DOCK4: variants seen among roughly 807,000 people sequenced by gnomAD.
The protein encoded by DOCK4 is dedicator of cytokinesis protein 4.
In DOCK4, 97 loss-of-function variants were observed where a neutral mutation model predicts 268.1. The observed-to-expected ratio is 0.36, with a 90% CI of 0.31 to 0.43. DOCK4 has a LOEUF of 0.43. Among genes scored for constraint, DOCK4 ranks in the 20% least tolerant of loss-of-function variants. The probability of loss-of-function intolerance (pLI) is 1.00; values close to 1 mark genes in which losing one functional copy is unlikely to be tolerated. For missense variants in DOCK4, 2,145 were observed against 2,455.7 expected (o/e 0.87, Z 2.67); for synonymous variants, 954 against 887.2 (o/e 1.08, Z -1.34).
chr7:111,847,249 G>A (rs1804180773), intron 23 of DOCK4, 123 bp from the exon 24 acceptor site: 5 of 1,199,028 alleles, frequency 4.2e-6, no homozygotes, highest in Middle Eastern at 2.0e-4. Context: ...AGTTACAAAG[G>A]TATTAGTTCT....
At chr7:112,008,654 A>G (rs1801046516) in intron 1 of DOCK4, among the ~76,000 whole-genome samples, 1 of 152,236 alleles carries the variant, frequency 6.6e-6, no homozygotes, top group South Asian at 2.1e-4. Context: ...AAGAAACTCA[A>G]TCACAACAGT....
At chr7:112,167,039 G>A (rs989383079) in intron 1 of DOCK4, among the ~76,000 whole-genome samples, 7 of 152,086 alleles carry the variant, frequency 4.6e-5, no homozygotes, top group Non-Finnish European at 1.0e-4. Flanking sequence ...TAATTTTCAA[G>A]GTTGCCATCA....
chr7:111,891,774 T>A (rs1056899084), intron 16 of DOCK4, among the ~76,000 whole-genome samples: 1 of 152,232 alleles, frequency 6.6e-6, no homozygotes, highest in East Asian at 1.9e-4. Flanking sequence ...TCTCTGCCAA[T>A]CTGATAGGCA....
intron 7 of DOCK4, among the ~76,000 whole-genome samples, chr7:111,983,060 G>GTTGTGT (rs1471014795): frequency 6.6e-6 from 1 of 151,808 alleles, no homozygotes; most frequent in African/African-American, 2.4e-5. Context: ...ATGTCATGAA[G>GTTGTGT]GCAAGCAGCA....
In DOCK4 at chr7:111,977,291, A is replaced by G. The variant is rs184941209; in HGVS notation, c.550-8T>C. The G allele has an allele frequency of 3.0e-4, 478 of 1,584,040 alleles. No homozygotes were observed. The African/African-American group carries it at 5.7e-3, about 19-fold the overall frequency. ...CCGATGTCGATGTTCCATCTGAATG[A>G]CACCCCCCAACAAAAACATGATCAG... On this transcript the variant is annotated splice_region_variant and splice_polypyrimidine_tract_variant and intron_variant, in intron 7 of 52. Transcript: ENST00000428084.
At chr7:111,821,471 TA>T (rs1801975112) in intron 27 of DOCK4, 1 of 152,222 alleles carries the variant, frequency 6.6e-6, no homozygotes, top group Non-Finnish European at 1.5e-5. Context: ...ATCTTGAGAC[TA>T]TGGAGACAGG....
At chr7:112,142,747 T>G (rs1275520643) in intron 1 of DOCK4, among the ~76,000 whole-genome samples, 1 of 152,112 alleles carries the variant, frequency 6.6e-6, no homozygotes, top group Non-Finnish European at 1.5e-5. Flanking sequence ...CATGTGCAAG[T>G]TTTTACACTG....
At chr7:111,800,552 C>G (rs1210585643) in intron 30 of DOCK4, among the ~76,000 whole-genome samples, 2 of 152,076 alleles carry the variant, frequency 1.3e-5, no homozygotes, top group Non-Finnish European at 2.9e-5. Context: ...TATTGCAATC[C>G]ACTGGTGTAA....
chr7:111,942,143 A>G (rs1474307266), intron 10 of DOCK4, among the ~76,000 whole-genome samples: 1 of 152,130 alleles, frequency 6.6e-6, no homozygotes, highest in African/African-American at 2.4e-5. Flanking sequence ...GGAGTGGGGG[A>G]AGGGAAAAGT....
At chr7:111,767,797 T>C (rs1488372669) in intron 37 of DOCK4, among the ~76,000 whole-genome samples, 3 of 152,146 alleles carry the variant, frequency 2.0e-5, no homozygotes, top group East Asian at 1.9e-4. Flanking sequence ...TATCTGTGAC[T>C]GGTACCCTGG....
chr7:111,782,776 C>T (rs756471276), intron 35 of DOCK4, 88 bp downstream of exon 35: 6 of 1,297,808 alleles, frequency 4.6e-6, no homozygotes, highest in South Asian at 2.4e-5. Flanking sequence ...CATCACATTG[C>T]AGATTAAACA....
chr7:111,825,811 TTCAAG>T (rs1341837156), intron 26 of DOCK4, among the ~76,000 whole-genome samples: 1 of 152,024 alleles, frequency 6.6e-6, no homozygotes, highest in Non-Finnish European at 1.5e-5. Context: ...AAGAGAGAGG[TTCAAG>T]TAAGAAAGGT....
intron 1 of DOCK4, among the ~76,000 whole-genome samples, chr7:112,159,770 T>G (rs1297676529): frequency 1.3e-5 from 2 of 148,754 alleles, no homozygotes; most frequent in African/African-American, 5.2e-5. Context: ...GTAGCCAGGA[T>G]GTAAGCTTCT....
chr7:111,852,181 C>T (rs1563592275), intron 23 of DOCK4, among the ~76,000 whole-genome samples: 2 of 152,018 alleles, frequency 1.3e-5, no homozygotes, highest in Admixed American at 1.3e-4. Flanking sequence ...CCAGGCTGGT[C>T]TTGAACTCCT....
chr7:111,991,842 T>TC (rs1392057857), intron 5 of DOCK4, among the ~76,000 whole-genome samples: 9 of 151,438 alleles, frequency 5.9e-5, no homozygotes, highest in Non-Finnish European at 1.2e-4. Context: ...GTAGCTGTAG[T>TC]CCCAGCTACT....
chr7:111,809,408 C>G lies in DOCK4; in HGVS notation c.3007-7G>C. 1 of 1,546,712 alleles carries G rather than the reference C, an allele frequency of 6.5e-7. No individual in the cohort carries two copies. On this transcript the variant is annotated splice_polypyrimidine_tract_variant and splice_region_variant and intron_variant, in intron 28 of 52. Transcript: ENST00000428084. The stretch of plus-strand genomic sequence containing the variant: ...AAAAGTAGGAATCCCAGATCTAAAA[C>G]AAGAACAAGATATATCAATACTATG...
chr7:112,129,246 G>A (rs1368106029), intron 1 of DOCK4, among the ~76,000 whole-genome samples: 2 of 152,146 alleles, frequency 1.3e-5, no homozygotes, highest in Non-Finnish European at 2.9e-5. Context: ...ATAACAACTT[G>A]AATGGATCCC....
At position 112,142,303 on chromosome 7, in the gene DOCK4, A is replaced by C. The variant is rs539901503; in HGVS notation, c.37+63799T>G. 3.3e-5 allele frequency among the ~76,000 whole-genome samples: 5 copies of C among 152,322 alleles called. No individual in the cohort carries two copies. In the South Asian group the frequency reaches 8.3e-4, roughly 25 times the overall value. On this transcript the variant is annotated intron_variant, in intron 1 of 52. Coordinates refer to ENST00000428084, the MANE Select transcript of DOCK4 (RefSeq NM_001363540.2). ...CACACCTTTTCTAGGATCATTATTG[A>C]AGAGTTTTAGCTCTGAATTTTCACT...
intron 8 of DOCK4, among the ~76,000 whole-genome samples, chr7:111,972,605 G>C (rs1468916674): frequency 1.3e-5 from 2 of 152,106 alleles, no homozygotes; most frequent in East Asian, 3.9e-4. Context: ...CCTGTACCTG[G>C]ACAAGGTAAC....
Sources: gnomAD v4.1 joint callset for allele counts (sites outside exome capture counted in the v4.1 genomes callset) on GRCh38, gnomAD v4.1.1 for gene constraint, MANE v1.5 for transcripts, NCBI Gene and HGNC (gene_info 2026-07-23, HGNC 2026-07-21) for gene names.